The following ERC1 variants were observed in gnomAD, a reference collection of about 807,000 sequenced individuals.
ERC1 encodes the protein RAB6 interacting protein 2.
In ERC1, 56 loss-of-function variants were observed where a neutral mutation model predicts 132.0. The ratio of observed to expected loss-of-function variants is 0.42; its 90% CI spans 0.34 to 0.53. ERC1 has a LOEUF of 0.53. Among genes scored for constraint, ERC1 ranks in the 20% least tolerant of loss-of-function variants. The probability of loss-of-function intolerance (pLI) is 0.03; values close to 1 mark genes in which losing one functional copy is unlikely to be tolerated. For synonymous variants in ERC1, 478 were observed against 476.1 expected, an observed-to-expected ratio of 1.00 and a Z score of -0.05; for missense variants, 1,202 against 1,349.9, an observed-to-expected ratio of 0.89 and a Z score of 1.72.
At chr12:1,212,236 G>GT (rs1957947374) in intron 12 of ERC1, among the ~76,000 whole-genome samples, 2 of 152,020 alleles carry the variant, frequency 1.3e-5, no homozygotes, top group Non-Finnish European at 2.9e-5. Flanking sequence ...CCAACTTTAA[G>GT]CTATAGTCAT....
chr12:1,179,956 A>G lies in ERC1; in HGVS notation c.1738-584A>G, dbSNP rs561017534. On this transcript the variant is annotated intron_variant, in intron 8 of 18. Coordinates refer to ENST00000360905, the MANE Select transcript of ERC1 (RefSeq NM_178040.4). ...AAAGATGATATAAGTAAATGAATGC[A>G]TATAAGTATGTATGAATGAATGGCT... 3.9e-5 allele frequency among the ~76,000 whole-genome samples: 6 copies of G among 152,382 alleles called. No individual in the cohort carries two copies. The East Asian group carries it at 9.6e-4, about 24-fold the overall frequency.
Position 1,174,708 on chromosome 12 carries a change from C to T in ERC1, c.1738-5832C>T, listed in dbSNP as rs564081183. Among the ~76,000 whole-genome samples the T allele has an allele frequency of 9.9e-4, 150 of 152,150 alleles. 1 individual carries two copies. Among genetic ancestry groups the T allele is most frequent in the Non-Finnish European group, 1.7e-3 (118 of 68,020 alleles). ...AGGTAGGCTCATAAAACAAATCTGT[C>T]TTCTTGTATGTAAAACTTGGTTGGT... On this transcript the variant is annotated intron_variant, in intron 8 of 18. Coordinates refer to ENST00000360905, the MANE Select transcript of ERC1 (RefSeq NM_178040.4).
At chr12:1,346,835 G>T (rs2084509695) in intron 15 of ERC1, among the ~76,000 whole-genome samples, 1 of 151,506 alleles carries the variant, frequency 6.6e-6, no homozygotes, top group Non-Finnish European at 1.5e-5. Flanking sequence ...CCAGCTACTG[G>T]GGAGGCTGAG....
At chr12:1,235,476 A>C (rs1490973579) in intron 12 of ERC1, among the ~76,000 whole-genome samples, 2 of 152,256 alleles carry the variant, frequency 1.3e-5, no homozygotes, top group Non-Finnish European at 2.9e-5. Context: ...TGTATAAAGA[A>C]TACCTATAAG....
intron 18 of ERC1, among the ~76,000 whole-genome samples, chr12:1,479,529 G>A (rs935354409): frequency 6.6e-6 from 1 of 152,178 alleles, no homozygotes; most frequent in African/African-American, 2.4e-5. Context: ...TAAATTCTCA[G>A]TTATTAAGGA....
chr12:1,055,202 C>CA (rs986581120), intron 2 of ERC1, among the ~76,000 whole-genome samples: 3 of 151,774 alleles, frequency 2.0e-5, no homozygotes, highest in African/African-American at 4.9e-5. Flanking sequence ...TTTTCTTTGA[C>CA]AGAGTCTCAC....
intron 1 of ERC1, among the ~76,000 whole-genome samples, chr12:1,013,098 G>A (rs927888361): frequency 6.6e-6 from 1 of 152,132 alleles, no homozygotes; most frequent in Non-Finnish European, 1.5e-5. Flanking sequence ...AGCTGATCAC[G>A]ATGTAGTATG....
Position 1,073,382 on chromosome 12 carries a change from T to C in ERC1, c.670-9782T>C, listed in dbSNP as rs557369457. Among the ~76,000 whole-genome samples the C allele has an allele frequency of 3.3e-5, 5 of 152,230 alleles. No individual in the cohort carries two copies. The East Asian group carries it at 7.7e-4, about 24-fold the overall frequency. On this transcript the variant is annotated intron_variant, in intron 2 of 18. Coordinates refer to ENST00000360905, the MANE Select transcript of ERC1 (RefSeq NM_178040.4). ...ATAAGACCAATAAAATGCTACTGTCTAGGAGATGAGGTGCCTCATACCTGA... is the reference window on the plus strand; with the variant it reads ...ATAAGACCAATAAAATGCTACTGTCCAGGAGATGAGGTGCCTCATACCTGA...
chr12:1,440,498 G>A (rs373732684), intron 17 of ERC1, among the ~76,000 whole-genome samples: 4,581 of 139,526 alleles, frequency 0.033, 197 homozygotes, highest in African/African-American at 0.083. Context: ...GAGCCACCGC[G>A]CCCGGCCTTT....
rs2078253988 is a variant in ERC1, at chr12:1,276,235, CT to C, written c.2619+13075del. The stretch of plus-strand genomic sequence containing the variant: ...CTCTCATGTTTTTGTTTTTCTTTTT[CT>C]TTTTCTTTTTTTTTTTTTGAGATGG... On this transcript the variant is annotated intron_variant, in intron 14 of 18. Transcript: ENST00000360905. 1.3e-4 allele frequency among the ~76,000 whole-genome samples: 12 copies of C among 92,930 alleles called. No homozygotes were observed. The South Asian group carries it at 3.2e-3, about 25-fold the overall frequency. The allele number at this position is 92,930 out of a possible 152,430, so 61.0% of individuals were successfully genotyped here. A position where few individuals can be genotyped will look rare whatever the true frequency, so the allele number is the denominator to read the frequency against.
intron 14 of ERC1, among the ~76,000 whole-genome samples, chr12:1,286,477 A>T (rs2079052921): frequency 6.6e-6 from 1 of 152,186 alleles, no homozygotes. Context: ...GTATCTATTA[A>T]AAATTACACT....
At chr12:1,068,615 T>G (rs1486479139) in intron 2 of ERC1, among the ~76,000 whole-genome samples, 2 of 141,584 alleles carry the variant, frequency 1.4e-5, no homozygotes, top group African/African-American at 5.1e-5. Context: ...TTAATTGCAT[T>G]TCATACCCTT....
chr12:1,318,099 T>G (rs1052369538), intron 15 of ERC1, among the ~76,000 whole-genome samples: 1 of 152,208 alleles, frequency 6.6e-6, no homozygotes, highest in Admixed American at 6.5e-5. Flanking sequence ...AACTAAAATT[T>G]CCATGATGTG....
intron 17 of ERC1, among the ~76,000 whole-genome samples, chr12:1,428,375 C>T (rs2092699378): frequency 6.6e-6 from 1 of 152,184 alleles, no homozygotes; most frequent in Non-Finnish European, 1.5e-5. Flanking sequence ...AGTGTAGTAG[C>T]TATTTTTAAT....
At chr12:1,467,867 A>T (rs1041494058) in intron 18 of ERC1, among the ~76,000 whole-genome samples, 1 of 152,186 alleles carries the variant, frequency 6.6e-6, no homozygotes, top group Non-Finnish European at 1.5e-5. Context: ...CGTGGTTCAC[A>T]ATAGGGTTTG....
chr12:1,265,012 CT>C (rs1289379555), intron 14 of ERC1, among the ~76,000 whole-genome samples: 1 of 152,096 alleles, frequency 6.6e-6, no homozygotes, highest in East Asian at 1.9e-4. Context: ...AGAGAATGAA[CT>C]TTTTGCAGAA....
At chr12:1,276,094 T>G (rs1414258690) in intron 14 of ERC1, among the ~76,000 whole-genome samples, 1 of 152,194 alleles carries the variant, frequency 6.6e-6, no homozygotes, top group Non-Finnish European at 1.5e-5. Context: ...TGTCTTAAAC[T>G]ACATGTTCCT....
At chr12:1,302,818 CG>C (rs1194704646) in intron 15 of ERC1, among the ~76,000 whole-genome samples, 4 of 151,904 alleles carry the variant, frequency 2.6e-5, no homozygotes, top group Non-Finnish European at 5.9e-5. Flanking sequence ...AAATAAATAG[CG>C]GGGCATGGTG....
At chr12:1,251,964 A>G (rs2076495736) in intron 13 of ERC1, among the ~76,000 whole-genome samples, 1 of 152,158 alleles carries the variant, frequency 6.6e-6, no homozygotes, top group African/African-American at 2.4e-5. Flanking sequence ...AAAAGTCTCC[A>G]ATGAGATTCT....
Sources: gnomAD v4.1 joint callset for allele counts (sites outside exome capture counted in the v4.1 genomes callset) on GRCh38, gnomAD v4.1.1 for gene constraint, MANE v1.5 for transcripts, NCBI Gene and HGNC (gene_info 2026-07-23, HGNC 2026-07-21) for gene names.